Variants in HGSNAT observed in about 807,000 individuals in gnomAD.
The protein encoded by HGSNAT is heparan-alpha-glucosaminide N-acetyltransferase, also known as transmembrane protein 76.
In HGSNAT, 59 loss-of-function variants were observed where a neutral mutation model predicts 85.2. That is an observed-to-expected ratio of 0.69 (90% CI 0.56 to 0.86). The LOEUF (loss-of-function observed/expected upper bound fraction) is 0.86, where lower values mean the gene tolerates loss of function less well. Among genes scored for constraint, HGSNAT ranks in the 40% least tolerant of loss-of-function variants. The pLI, the probability that HGSNAT is intolerant of heterozygous loss-of-function variation, is 0.00. For missense variants in HGSNAT, 756 were observed against 777.1 expected (o/e 0.97, Z 0.32); for synonymous variants, 321 against 304.5 (o/e 1.05, Z -0.56).
chr8:43,163,893 G>C (rs1004795165), intron 5 of HGSNAT, among the ~76,000 whole-genome samples: 3 of 152,168 alleles, frequency 2.0e-5, no homozygotes, highest in Non-Finnish European at 4.4e-5. Context: ...CTAGAAATCA[G>C]AGTTGAGTTG....
chr8:43,193,610 C>G, intron 13 of HGSNAT, 147 bp from the exon 14 acceptor site: 1 of 586,412 alleles, frequency 1.7e-6, no homozygotes, highest in South Asian at 2.5e-5. Flanking sequence ...TGCCTGTTAT[C>G]CCTATAAGTT....
intron 11 of HGSNAT, 185 bp downstream of exon 11, chr8:43,182,445 G>C (rs1051791304): frequency 3.1e-6 from 2 of 647,212 alleles, no homozygotes; most frequent in Admixed American, 2.2e-5. Context: ...GCCAGAAACT[G>C]TGTTCTTGTT....
intron 2 of HGSNAT, among the ~76,000 whole-genome samples, chr8:43,157,836 AAC>A (rs1450982447): frequency 6.6e-6 from 1 of 151,780 alleles, no homozygotes; most frequent in African/African-American, 2.4e-5. Context: ...GGTCTTTTAA[AAC>A]ACATAATTTA....
chr8:43,197,418 C>G (rs1804761750), intron 15 of HGSNAT: 1 of 557,186 alleles, frequency 1.8e-6, no homozygotes, highest in Non-Finnish European at 3.2e-6. Context: ...AGCCATGCCT[C>G]CTCTTCAGAG....
intron 10 of HGSNAT, 138 bp from the exon 11 acceptor site, chr8:43,182,007 T>A (rs1421546080): frequency 2.8e-6 from 2 of 726,638 alleles, no homozygotes; most frequent in Non-Finnish European, 4.9e-6. Context: ...CCGTATATAT[T>A]TCCATGTCCA....
chr8:43,149,194 T>G (rs2130685547), intron 2 of HGSNAT, among the ~76,000 whole-genome samples: 1 of 152,152 alleles, frequency 6.6e-6, no homozygotes, highest in East Asian at 1.9e-4. Context: ...ATTGCCGATT[T>G]ATTTAAAAGA....
chr8:43,193,502 G>A (rs192549086), intron 13 of HGSNAT, among the ~76,000 whole-genome samples: 18 of 152,280 alleles, frequency 1.2e-4, no homozygotes, highest in African/African-American at 3.1e-4. Context: ...TGCTGCCCCC[G>A]CTGCAATCAC....
rs762651176 is a variant in HGSNAT at position 43,191,608 on chromosome 8, C to T, written c.1250+13C>T. ...CTGGGTGCCCTACGTAAGCGAACCC[C>T]TGGGGGTCATCCCTTGTGCATGTCC... is the stretch of plus-strand genomic sequence containing the variant. On this transcript the variant is annotated intron_variant, in intron 12 of 17. Coordinates refer to ENST00000379644, the MANE Select transcript of HGSNAT (RefSeq NM_152419.3). The T allele has an allele frequency of 1.2e-6, 2 of 1,613,320 alleles. No individual in the cohort carries two copies. The highest frequency in any genetic ancestry group is 2.2e-5 in the South Asian group (2 of 91,074).
At chr8:43,187,663 G>T (rs1355772757) in intron 11 of HGSNAT, among the ~76,000 whole-genome samples, 1 of 152,208 alleles carries the variant, frequency 6.6e-6, no homozygotes, top group Non-Finnish European at 1.5e-5. Context: ...ATATCGTTAT[G>T]TGTGAATTTG....
At chr8:43,149,054 G>A (rs999913770) in intron 2 of HGSNAT, among the ~76,000 whole-genome samples, 1 of 151,636 alleles carries the variant, frequency 6.6e-6, no homozygotes, top group Non-Finnish European at 1.5e-5. Context: ...AGGCAGAGGT[G>A]GCAGTGAGCT....
rs376942729 is a variant in HGSNAT, at chr8:43,165,347, CACTG to C, written c.564-3821_564-3818del. ...TTGAGTGTATTCTGACTGTTCCACC[CACTG>C]ACTGTTCCCCCATTTCTCTCCCTCT... On this transcript the variant is annotated intron_variant, in intron 5 of 17. Transcript: ENST00000379644. Among the ~76,000 whole-genome samples the C allele has an allele frequency of 7.0e-4, 106 of 152,156 alleles. 1 individual carries two copies. In the East Asian group the frequency reaches 0.019, roughly 27 times the overall value.
intron 2 of HGSNAT, among the ~76,000 whole-genome samples, chr8:43,149,118 AAAATAAAT>A (rs57240507): frequency 6.8e-5 from 10 of 146,682 alleles, no homozygotes; most frequent in South Asian, 4.3e-4. Context: ...TCTGTCTCAA[AAAATAAAT>A]AAATAAATAA....
intron 2 of HGSNAT, among the ~76,000 whole-genome samples, chr8:43,151,167 A>G (rs1439907728): frequency 2.0e-5 from 3 of 152,152 alleles, no homozygotes; most frequent in Admixed American, 1.3e-4. Flanking sequence ...ATGATAAGAT[A>G]CTCTTACCAG....
chr8:43,144,166 C>CA (rs776278018), intron 1 of HGSNAT, among the ~76,000 whole-genome samples: 43 of 149,622 alleles, frequency 2.9e-4, no homozygotes, highest in East Asian at 7.8e-4. Flanking sequence ...CAAAAAAAGA[C>CA]AAAAAAAAAT....
chr8:43,167,923 CTT>C (rs71231896), intron 5 of HGSNAT: 1,410 of 234,020 alleles, frequency 6.0e-3, no homozygotes, highest in South Asian at 0.013. Flanking sequence ...TTCTTTCTTT[CTT>C]TTTTTTTTTT....
chr8:43,158,641 G>C lies in HGSNAT; in HGVS notation c.301G>C (p.Ala101Pro). 2 of 1,613,956 alleles carry C rather than the reference G, an allele frequency of 1.2e-6. No homozygotes were observed. The highest frequency in any genetic ancestry group is 1.3e-5 in the African/African-American group (1 of 75,050). The change falls in exon 3 of 18, where the codon GCC (alanine) becomes CCC (proline). Residue 101 changes from alanine (A) to proline (P), a missense_variant. By Grantham distance (27) the Ala-to-Pro change is conservative. Transcript: ENST00000379644. ...PKAGKPSAAAASVSTQHGSIL... is the reference protein window; with the variant it reads ...PKAGKPSAAAPSVSTQHGSIL... The stretch of plus-strand genomic sequence containing the variant: ...AGCAGGGAAGCCTAGTGCTGCAGCT[G>C]CCTCTGTCAGCACCCAGCACGGATC...
At chr8:43,178,507 T>C (rs537472063) in intron 10 of HGSNAT, among the ~76,000 whole-genome samples, 7 of 151,658 alleles carry the variant, frequency 4.6e-5, no homozygotes, top group Admixed American at 1.3e-4. Context: ...CTGGATTATC[T>C]GAGTGTAGTG....
intron 2 of HGSNAT, among the ~76,000 whole-genome samples, chr8:43,149,699 CAAA>C (rs932162299): frequency 2.3e-5 from 3 of 129,178 alleles, no homozygotes; most frequent in African/African-American, 5.8e-5. Context: ...GACTCTGTCT[CAAA>C]AAAAAAAAAA....
At chr8:43,141,507 C>T (rs995139360) in intron 1 of HGSNAT, among the ~76,000 whole-genome samples, 2 of 152,144 alleles carry the variant, frequency 1.3e-5, no homozygotes, top group African/African-American at 4.8e-5. Flanking sequence ...GCCCCAGGCC[C>T]TAGGTCCTTC....
Sources: gnomAD v4.1 joint callset for allele counts (sites outside exome capture counted in the v4.1 genomes callset) on GRCh38, gnomAD v4.1.1 for gene constraint, MANE v1.5 for transcripts, NCBI Gene and HGNC (gene_info 2026-07-23, HGNC 2026-07-21) for gene names.